CACNB4: variants seen among roughly 807,000 people sequenced by gnomAD.
The protein encoded by CACNB4 is calcium voltage-gated channel auxiliary subunit beta 4, also known as voltage-dependent L-type calcium channel subunit beta-4.
A neutral mutation model predicts 71.2 loss-of-function variants in CACNB4; 32 were observed. That is an observed-to-expected ratio of 0.45 (90% CI 0.34 to 0.60). The LOEUF is 0.60. CACNB4 is among the 20% of genes least tolerant of loss of function. The pLI is 0.01. For missense variants in CACNB4, 464 were observed against 647.9 expected (o/e 0.72, Z 3.08); for synonymous variants, 231 against 236.9 (o/e 0.97, Z 0.23).
chr2:152,047,765 G>C (rs774854378), intron 2 of CACNB4, among the ~76,000 whole-genome samples: 12 of 152,152 alleles, frequency 7.9e-5, no homozygotes, highest in Non-Finnish European at 1.0e-4. Context: ...TGGGCATGGT[G>C]GCAGGCACCT....
chr2:151,862,627 C>T (rs1264153059), intron 9 of CACNB4, among the ~76,000 whole-genome samples: 1 of 152,142 alleles, frequency 6.6e-6, no homozygotes, highest in African/African-American at 2.4e-5. Context: ...CTGTTTTCTG[C>T]ATTGGGGCTT....
intron 2 of CACNB4, among the ~76,000 whole-genome samples, chr2:152,003,832 T>TAA (rs113971846): frequency 6.9e-6 from 1 of 144,450 alleles, no homozygotes; most frequent in Non-Finnish European, 1.5e-5. Flanking sequence ...GAGAAATTAA[T>TAA]AAAAAAAAAA....
intron 3 of CACNB4, among the ~76,000 whole-genome samples, chr2:151,882,200 T>C (rs2099848076): frequency 7.0e-6 from 1 of 142,358 alleles, no homozygotes; most frequent in South Asian, 2.4e-4. Flanking sequence ...TTTTTTTTTT[T>C]TTTTTTTTGG....
intron 4 of CACNB4, among the ~76,000 whole-genome samples, chr2:151,877,232 A>C (rs2151433615): frequency 6.6e-6 from 1 of 152,176 alleles, no homozygotes. Context: ...TTTGCAGACC[A>C]CGTGGTCTCT....
At chr2:151,848,434 C>T (rs1298860581) in intron 12 of CACNB4, among the ~76,000 whole-genome samples, 2 of 152,122 alleles carry the variant, frequency 1.3e-5, no homozygotes, top group Non-Finnish European at 2.9e-5. Flanking sequence ...ACAGGTAAAT[C>T]CACACGATTC....
At chr2:151,970,417 T>C (rs1056875000) in intron 2 of CACNB4, 5 of 152,248 alleles carry the variant, frequency 3.3e-5, no homozygotes, top group South Asian at 2.1e-4. Flanking sequence ...CCTCGGTTTG[T>C]GTAATAAACC....
intron 2 of CACNB4, among the ~76,000 whole-genome samples, chr2:152,081,814 C>T (rs1687374171): frequency 6.6e-6 from 1 of 152,246 alleles, no homozygotes. Context: ...GAAATTCCTA[C>T]CTCATCTTTG....
chr2:152,058,939 G>T (rs969443074), intron 2 of CACNB4, among the ~76,000 whole-genome samples: 1 of 152,258 alleles, frequency 6.6e-6, no homozygotes, highest in Non-Finnish European at 1.5e-5. Context: ...GTGGCTAAAA[G>T]GGGCGAAGGT....
At chr2:152,012,772 TA>T (rs1437269577) in intron 2 of CACNB4, among the ~76,000 whole-genome samples, 1 of 152,102 alleles carries the variant, frequency 6.6e-6, no homozygotes, top group Non-Finnish European at 1.5e-5. Context: ...AAAGTTATAC[TA>T]AGCTAAGGTT....
chr2:151,999,733 C>T (rs73013217), intron 2 of CACNB4, among the ~76,000 whole-genome samples: 1,782 of 152,166 alleles, frequency 0.012, 38 homozygotes, highest in African/African-American at 0.041. Context: ...GCTATGCCAC[C>T]CAAAAAGTTA....
rs1378707857 is a variant in CACNB4 at position 151,833,239 on chromosome 2, TTTATG to T, written c.*5875_*5879del. ...TTGCCATATTTCTGTTTTAGTATGT[TTTATG>T]TTAATACATTTATTTTTTATTCCTT... On this transcript the variant is annotated 3_prime_UTR_variant, in exon 14 of 14. Coordinates refer to ENST00000539935, the MANE Select transcript of CACNB4 (RefSeq NM_000726.5). 6.6e-6 allele frequency: 1 copy of T among 152,180 alleles called. No individual in the cohort carries two copies. Among genetic ancestry groups the T allele is most frequent in the Non-Finnish European group, 1.5e-5 (1 of 67,996 alleles). The allele number at this position is 152,180 out of a possible 1,614,324, so 9.4% of individuals were successfully genotyped here.
intron 2 of CACNB4, among the ~76,000 whole-genome samples, chr2:151,913,698 G>A (rs1441388816): frequency 3.3e-5 from 5 of 149,402 alleles, no homozygotes; most frequent in African/African-American, 9.9e-5. Context: ...CCCAGGAGGC[G>A]GAGCTTGCAG....
intron 2 of CACNB4, among the ~76,000 whole-genome samples, chr2:152,048,214 A>G (rs974564383): frequency 3.3e-5 from 5 of 152,076 alleles, no homozygotes; most frequent in African/African-American, 1.2e-4. Flanking sequence ...CACCCCCTAG[A>G]TGTAACAACA....
chr2:152,066,313 C>A (rs548564810), intron 2 of CACNB4, among the ~76,000 whole-genome samples: 1 of 152,166 alleles, frequency 6.6e-6, no homozygotes, highest in Non-Finnish European at 1.5e-5. Context: ...AACAAACAAC[C>A]CCATCAAAAA....
chr2:152,002,332 A>AT (rs34371705), intron 2 of CACNB4, among the ~76,000 whole-genome samples: 3 of 152,156 alleles, frequency 2.0e-5, no homozygotes, highest in African/African-American at 7.2e-5. Flanking sequence ...TGGGAATATG[A>AT]TTTTTTTAGG....
intron 2 of CACNB4, among the ~76,000 whole-genome samples, chr2:152,009,358 T>A (rs1682924071): frequency 6.6e-6 from 1 of 152,152 alleles, no homozygotes; most frequent in Non-Finnish European, 1.5e-5. Context: ...TCATGTGGTA[T>A]CCTGGATGAA....
intron 10 of CACNB4, chr2:151,857,226 G>T (rs2099840537): frequency 6.6e-6 from 1 of 152,140 alleles, no homozygotes; most frequent in Non-Finnish European, 1.5e-5. Context: ...CTTATGTTTT[G>T]CATGATTGCA....
intron 5 of CACNB4, among the ~76,000 whole-genome samples, chr2:151,875,679 C>A (rs1412411727): frequency 1.9e-5 from 1 of 51,388 alleles, no homozygotes; most frequent in Non-Finnish European, 3.6e-5. Context: ...GGGCTGACCC[C>A]CCCACCTCCC....
chr2:151,883,782 G>T, intron 2 of CACNB4: 1 of 264,570 alleles, frequency 3.8e-6, no homozygotes. Context: ...TGGGCTATGG[G>T]TCATCTATTT....
Sources: gnomAD v4.1 joint callset for allele counts (sites outside exome capture counted in the v4.1 genomes callset) on GRCh38, gnomAD v4.1.1 for gene constraint, MANE v1.5 for transcripts, NCBI Gene and HGNC (gene_info 2026-07-23, HGNC 2026-07-21) for gene names.